The following IMPG1 variants were observed in gnomAD, a reference collection of about 807,000 sequenced individuals.
IMPG1 encodes the protein interphotoreceptor matrix proteoglycan of 150 kDa.
A neutral mutation model predicts 92.0 loss-of-function variants in IMPG1; 85 were observed. That is an observed-to-expected ratio of 0.92 (90% CI 0.78 to 1.11). IMPG1 has a LOEUF of 1.11. Among genes scored for constraint, IMPG1 ranks in the 50% least tolerant of loss-of-function variants. IMPG1 has a pLI of 0.00. For synonymous variants in IMPG1, 367 were observed against 334.1 expected (o/e 1.10, Z -1.08); for missense variants, 1,022 against 956.0 (o/e 1.07, Z -0.91).
chr6:76,028,707 GTAGTCCCAGC>G, intron 4 of IMPG1, among the ~76,000 whole-genome samples: 1 of 152,158 alleles, frequency 6.6e-6, no homozygotes, highest in Non-Finnish European at 1.5e-5. Flanking sequence ...GTGGGTGCCT[GTAGTCCCAGC>G]TACTCAGGAG....
At chr6:76,019,402 C>G (rs79796248) in intron 6 of IMPG1, among the ~76,000 whole-genome samples, 1 of 152,130 alleles carries the variant, frequency 6.6e-6, no homozygotes, top group Admixed American at 6.6e-5. Flanking sequence ...ATTATCTCTG[C>G]GGAAAATTGA....
At chr6:75,936,418 A>G (rs1296635593) in intron 14 of IMPG1, among the ~76,000 whole-genome samples, 4 of 152,226 alleles carry the variant, frequency 2.6e-5, no homozygotes, top group African/African-American at 9.6e-5. Flanking sequence ...CTTATGGCTT[A>G]TTGCTGAAAG....
chr6:76,062,863 T>C (rs936212161), intron 1 of IMPG1, among the ~76,000 whole-genome samples: 28 of 152,146 alleles, frequency 1.8e-4, no homozygotes, highest in Middle Eastern at 6.8e-3. Context: ...AGGTTTTTTT[T>C]TTTTTTTTTC....
intron 15 of IMPG1, among the ~76,000 whole-genome samples, chr6:75,924,335 T>G (rs1781482865): frequency 7.1e-6 from 1 of 140,410 alleles, no homozygotes. Flanking sequence ...AGATTTGGAG[T>G]CAACCTGTTG....
chr6:75,965,764 C>G (rs1782297999), intron 12 of IMPG1, among the ~76,000 whole-genome samples: 1 of 152,006 alleles, frequency 6.6e-6, no homozygotes, highest in South Asian at 2.1e-4. Flanking sequence ...CCTGCCATCA[C>G]GCCCAGCTAA....
chr6:76,057,580 TCTGTGGGTTTTGTCCAAATGG>T (rs2127597160), intron 1 of IMPG1, among the ~76,000 whole-genome samples: 1 of 152,264 alleles, frequency 6.6e-6, no homozygotes, highest in South Asian at 2.1e-4. Flanking sequence ...AAAGGAGTCT[TCTGTGGGTTTTGTCCAAATGG>T]GAGGGGTAAA....
intron 1 of IMPG1, among the ~76,000 whole-genome samples, chr6:76,056,192 G>A (rs979461245): frequency 1.3e-5 from 2 of 152,046 alleles, no homozygotes; most frequent in African/African-American, 4.8e-5. Context: ...ATTGATTAAG[G>A]CAATTTATCA....
intron 12 of IMPG1, among the ~76,000 whole-genome samples, chr6:75,972,258 G>T (rs187062423): frequency 1.3e-5 from 2 of 152,050 alleles, no homozygotes; most frequent in African/African-American, 2.4e-5. Flanking sequence ...GCCCAGCCCC[G>T]TTCCCTCCCA....
chr6:76,063,255 TAAGA>T (rs1023387045), intron 1 of IMPG1, among the ~76,000 whole-genome samples: 12 of 151,090 alleles, frequency 7.9e-5, no homozygotes, highest in Admixed American at 3.3e-4. Context: ...TAAAATAAAA[TAAGA>T]AAGAAAAAGA....
intron 12 of IMPG1, among the ~76,000 whole-genome samples, chr6:75,999,977 A>G (rs1782961266): frequency 6.6e-6 from 1 of 152,224 alleles, no homozygotes; most frequent in African/African-American, 2.4e-5. Context: ...CTTAAAGGAA[A>G]CACTTGACAC....
At chr6:75,972,056 T>A (rs1782428758) in intron 12 of IMPG1, among the ~76,000 whole-genome samples, 1 of 152,214 alleles carries the variant, frequency 6.6e-6, no homozygotes, top group Non-Finnish European at 1.5e-5. Flanking sequence ...AAAGTTTTAC[T>A]TTAACAAGAG....
chr6:75,980,025 G>A (rs979179064), intron 12 of IMPG1, among the ~76,000 whole-genome samples: 1 of 152,202 alleles, frequency 6.6e-6, no homozygotes, highest in African/African-American at 2.4e-5. Context: ...TGGGGGATTA[G>A]CTACTCGGGT....
At chr6:75,994,553 C>T (rs1782865877) in intron 12 of IMPG1, among the ~76,000 whole-genome samples, 1 of 152,148 alleles carries the variant, frequency 6.6e-6, no homozygotes. Context: ...TGGCAGAAGG[C>T]AAGGAGGAGC....
chr6:76,034,711 C>T lies in IMPG1; in HGVS notation c.378G>A (p.Trp126Ter), dbSNP rs373792616. 6.2e-6 allele frequency: 10 copies of T among 1,613,906 alleles called. No homozygotes were observed. In the South Asian group the frequency reaches 6.6e-5, roughly 11 times the overall value. Reference sequence around the variant, plus strand: ...AGGTCTCCTGCTGGCAGATGCTGACCCAGTCCTGATATTCCCCTGTGTCAG... The same window carrying T: ...AGGTCTCCTGCTGGCAGATGCTGACTCAGTCCTGATATTCCCCTGTGTCAG... ...RIPDTGEYQD[W>*]VSICQQETFC... The change falls in exon 3 of 17, where the codon TGG (tryptophan) becomes TGA (stop). Residue 126 changes from tryptophan to a stop codon, truncating the protein, a stop_gained. Transcript: ENST00000369950. LOFTEE classifies it high-confidence loss of function.
At chr6:76,026,142 C>A (rs145262988) in intron 4 of IMPG1, among the ~76,000 whole-genome samples, 1 of 152,082 alleles carries the variant, frequency 6.6e-6, no homozygotes, top group East Asian at 1.9e-4. Context: ...AGGGACTCTG[C>A]GCTAGCAAGA....
At chr6:75,943,464 GT>G (rs1781870135) in intron 14 of IMPG1, among the ~76,000 whole-genome samples, 1 of 152,154 alleles carries the variant, frequency 6.6e-6, no homozygotes, top group Non-Finnish European at 1.5e-5. Context: ...CTCTCTTACT[GT>G]GTGATTTCTG....
chr6:75,995,073 A>G (rs1483436611), intron 12 of IMPG1, among the ~76,000 whole-genome samples: 1 of 152,216 alleles, frequency 6.6e-6, no homozygotes, highest in Non-Finnish European at 1.5e-5. Context: ...GACATTATTC[A>G]TCAATCAGGC....
At chr6:75,988,742 A>G (rs1782765873) in intron 12 of IMPG1, among the ~76,000 whole-genome samples, 1 of 152,030 alleles carries the variant, frequency 6.6e-6, no homozygotes, top group South Asian at 2.1e-4. Context: ...CCTCTTTCCC[A>G]CCTCAGGTTC....
rs181842408 is a variant in IMPG1 at position 76,050,915 on chromosome 6, C to A, written c.68-8789G>T. On this transcript the variant is annotated intron_variant, in intron 1 of 16. Transcript: ENST00000369950. ...GGTAGCATTGCTATGAAAGCAACAG[C>A]CATTGGTATAAGCACTTAGCAAACC... 7.9e-5 allele frequency among the ~76,000 whole-genome samples: 12 copies of A among 152,232 alleles called. No individual in the cohort carries two copies. In the East Asian group the frequency reaches 2.3e-3, roughly 29 times the overall value.
Sources: gnomAD v4.1 joint callset for allele counts (sites outside exome capture counted in the v4.1 genomes callset) on GRCh38, gnomAD v4.1.1 for gene constraint, MANE v1.5 for transcripts, NCBI Gene and HGNC (gene_info 2026-07-23, HGNC 2026-07-21) for gene names.